The following POLN variants were observed in gnomAD, a reference collection of about 807,000 sequenced individuals.
POLN encodes DNA polymerase N.
Under a neutral mutation model 113.5 loss-of-function variants are expected in POLN, and 108 were observed. The observed-to-expected ratio is 0.95, with a 90% confidence interval of 0.81 to 1.12. The LOEUF (loss-of-function observed/expected upper bound fraction) is 1.12. Among genes scored for constraint, POLN ranks in the 50% most tolerant of loss-of-function variants. The pLI, the probability that POLN is intolerant of heterozygous loss-of-function variation, is 0.00. For missense variants in POLN, 1,097 were observed against 1,077.1 expected, an observed-to-expected ratio of 1.02 and a Z score of -0.26; for synonymous variants, 386 against 391.5, an observed-to-expected ratio of 0.99 and a Z score of 0.17.
chr4:2,169,799 G>C (rs1732815740), intron 13 of POLN, among the ~76,000 whole-genome samples: 1 of 152,192 alleles, frequency 6.6e-6, no homozygotes, highest in African/African-American at 2.4e-5. Context: ...CCTTCACTAA[G>C]GTGGAGAAAG....
intron 23 of POLN, chr4:2,077,185 T>A (rs1222170411): frequency 6.6e-6 from 1 of 152,278 alleles, no homozygotes; most frequent in African/African-American, 2.4e-5. Flanking sequence ...AGCAGCCACC[T>A]CCATCACAGC....
chr4:2,098,278 G>A (rs1364644998), intron 19 of POLN, among the ~76,000 whole-genome samples: 2 of 152,026 alleles, frequency 1.3e-5, no homozygotes, highest in East Asian at 3.9e-4. Context: ...AATTAGCTGG[G>A]CATGATGATA....
chr4:2,196,354 A>G (rs1480401007), intron 6 of POLN, among the ~76,000 whole-genome samples: 2 of 152,196 alleles, frequency 1.3e-5, no homozygotes, highest in Admixed American at 1.3e-4. Context: ...AAGCATTTAG[A>G]GCTAACTCCA....
intron 11 of POLN, among the ~76,000 whole-genome samples, 191 bp downstream of exon 11, chr4:2,173,764 C>T (rs1008892072): frequency 6.6e-6 from 1 of 152,150 alleles, no homozygotes. Context: ...CGGACACACA[C>T]GCACTAGATG....
intron 7 of POLN, among the ~76,000 whole-genome samples, chr4:2,187,144 G>T (rs1281783273): frequency 6.6e-6 from 1 of 152,190 alleles, no homozygotes; most frequent in Non-Finnish European, 1.5e-5. Context: ...GCAAATCTAA[G>T]AATTAGTGGT....
intron 3 of POLN, among the ~76,000 whole-genome samples, chr4:2,214,377 G>A (rs1304898992): frequency 6.6e-6 from 1 of 152,126 alleles, no homozygotes; most frequent in African/African-American, 2.4e-5. Context: ...TTAATTAATA[G>A]GGCTGGTATA....
intron 6 of POLN, among the ~76,000 whole-genome samples, chr4:2,194,227 AG>A (rs1016649718): frequency 1.3e-5 from 2 of 152,208 alleles, no homozygotes; most frequent in Non-Finnish European, 2.9e-5. Context: ...TCCTGCTGCC[AG>A]GGTCCAAACT....
At chr4:2,129,076 A>G in intron 18 of POLN, 103 bp downstream of exon 18, 1 of 746,326 alleles carries the variant, frequency 1.3e-6, no homozygotes, top group Non-Finnish European at 2.0e-6. Context: ...AAAAAAAAAA[A>G]GAATTTATTT....
intron 19 of POLN, among the ~76,000 whole-genome samples, chr4:2,122,039 G>T (rs1333043164): frequency 6.6e-6 from 1 of 151,986 alleles, no homozygotes; most frequent in Non-Finnish European, 1.5e-5. Context: ...GTAATACTTG[G>T]TTAGCAACAG....
At chr4:2,141,339 T>G (rs1264609838) in intron 16 of POLN, among the ~76,000 whole-genome samples, 1 of 152,174 alleles carries the variant, frequency 6.6e-6, no homozygotes, top group Non-Finnish European at 1.5e-5. Flanking sequence ...GCCCAGCTGC[T>G]CTCCCCTCTC....
At chr4:2,138,523 G>A (rs1302744771) in intron 16 of POLN, among the ~76,000 whole-genome samples, 2 of 152,188 alleles carry the variant, frequency 1.3e-5, no homozygotes, top group Admixed American at 1.3e-4. Context: ...CGGACCCCTG[G>A]GCTCCAGCCT....
chr4:2,225,375 C>T (rs746658043), intron 3 of POLN, among the ~76,000 whole-genome samples: 5 of 151,486 alleles, frequency 3.3e-5, no homozygotes, highest in Admixed American at 6.6e-5. Flanking sequence ...ACCAACATGG[C>T]GAAACCCCGT....
chr4:2,166,532 C>G (rs1434178462), intron 13 of POLN, among the ~76,000 whole-genome samples: 1 of 152,070 alleles, frequency 6.6e-6, no homozygotes, highest in Non-Finnish European at 1.5e-5. Flanking sequence ...TGTGTCTGTG[C>G]GAGTGTTTCC....
chr4:2,085,656 G>T lies in POLN; in HGVS notation c.2154C>A (p.Ile718=). 6.2e-7 allele frequency: 1 copy of T among 1,614,130 alleles called. No individual in the cohort carries two copies. Among genetic ancestry groups the T allele is most frequent in the South Asian group, 1.1e-5 (1 of 91,084 alleles). Residue 718 remains isoleucine (I), a synonymous_variant, in exon 21 of 26, where the codon ATC becomes ATA. Transcript: ENST00000511885. ...LESFLQKYKK[I]KDFARAAIAQ... The stretch of plus-strand genomic sequence containing the variant: ...CAATAGCTGCTCGGGCGAAGTCCTT[G>T]ATTTTCTTGTACTTCTGCAAAAAAC...
At chr4:2,173,670 C>T (rs1228619629) in intron 11 of POLN, among the ~76,000 whole-genome samples, 1 of 152,016 alleles carries the variant, frequency 6.6e-6, no homozygotes, top group Non-Finnish European at 1.5e-5. Context: ...CCAAGAATTC[C>T]TTCACCAAAC....
At chr4:2,238,719 G>A in intron 2 of POLN, 2 of 1,613,460 alleles carry the variant, frequency 1.2e-6, no homozygotes, top group Non-Finnish European at 1.7e-6. Context: ...CTTTGACTAA[G>A]TTCTTGAACC....
chr4:2,138,833 A>G (rs978314212), intron 16 of POLN, among the ~76,000 whole-genome samples: 1 of 152,042 alleles, frequency 6.6e-6, no homozygotes, highest in African/African-American at 2.4e-5. Flanking sequence ...GGCAGAGGTT[A>G]CAGTGAGCCA....
chr4:2,072,152 G>A lies in POLN; in HGVS notation c.2665C>T (p.Pro889Ser), dbSNP rs1036365235. ...AAPGSPASTQ[P>S]PPLHFSPSFC... ...GAAGGCGAAAAATGCAGGGGTGGGG[G>A]CTGGGTGCTGGCAGGGGACCCAGGG... Residue 889 changes from proline (P) to serine (S), a missense_variant, in exon 26 of 26, where the codon CCC (proline) becomes TCC (serine). By Grantham distance (74) the Pro-to-Ser change is moderately conservative (BLOSUM62 -1). Coordinates refer to ENST00000511885, the MANE Select transcript of POLN (RefSeq NM_181808.4). The A allele has an allele frequency of 1.9e-6, 3 of 1,612,694 alleles. No individual in the cohort carries two copies. Among genetic ancestry groups the A allele is most frequent in the South Asian group, 2.2e-5 (2 of 91,078 alleles).
chr4:2,222,803 C>A (rs1162395612), intron 3 of POLN, among the ~76,000 whole-genome samples: 1 of 151,330 alleles, frequency 6.6e-6, no homozygotes, highest in Admixed American at 6.6e-5. Flanking sequence ...CAGTATTGTC[C>A]CAGCTGGTGC....
Sources: gnomAD v4.1 joint callset for allele counts (sites outside exome capture counted in the v4.1 genomes callset) on GRCh38, gnomAD v4.1.1 for gene constraint, MANE v1.5 for transcripts, NCBI Gene and HGNC (gene_info 2026-07-23, HGNC 2026-07-21) for gene names.